The following NRG1 variants were observed in gnomAD, a reference collection of about 807,000 sequenced individuals.
NRG1 encodes the protein pro-neuregulin-1, membrane-bound isoform.
Under a neutral mutation model 63.8 loss-of-function variants are expected in NRG1, and 18 were observed. That is an observed-to-expected ratio of 0.28 (90% CI 0.19 to 0.42). The LOEUF (loss-of-function observed/expected upper bound fraction) is 0.42. Ranked by LOEUF, NRG1 falls within the 10% of genes least tolerant of loss-of-function variation. The pLI is 1.00. For synonymous variants in NRG1, 302 were observed against 301.3 expected (o/e 1.00, Z -0.02); for missense variants, 762 against 814.7 (o/e 0.94, Z 0.79).
intron 1 of NRG1, among the ~76,000 whole-genome samples, chr8:31,762,596 T>A (rs535551178): frequency 6.6e-6 from 1 of 152,330 alleles, no homozygotes; most frequent in Admixed American, 6.5e-5. Context: ...GTATTTCTGG[T>A]TCTAGATCCT....
intron 1 of NRG1, among the ~76,000 whole-genome samples, chr8:32,301,992 A>C (rs1855625936): frequency 6.6e-6 from 1 of 152,194 alleles, no homozygotes. Context: ...ATGTACCTGC[A>C]TCCCAATTTG....
At chr8:32,156,464 CTA>C (rs1169925367) in intron 1 of NRG1, among the ~76,000 whole-genome samples, 2 of 152,182 alleles carry the variant, frequency 1.3e-5, no homozygotes, top group Admixed American at 6.5e-5. Context: ...CTCTATGATA[CTA>C]TGTCTATTTT....
At chr8:32,485,829 C>A (rs893529678) in intron 1 of NRG1, among the ~76,000 whole-genome samples, 2 of 152,192 alleles carry the variant, frequency 1.3e-5, no homozygotes, top group African/African-American at 2.4e-5. Flanking sequence ...TTTAGGTGAT[C>A]ATACCAATTA....
intron 5 of NRG1, among the ~76,000 whole-genome samples, chr8:32,657,504 G>A (rs532562651): frequency 6.6e-6 from 1 of 152,252 alleles, no homozygotes; most frequent in East Asian, 1.9e-4. Flanking sequence ...TGGTTAGTGG[G>A]AGAGAGTGAA....
At chr8:31,927,994 T>TA (rs202107939) in intron 1 of NRG1, among the ~76,000 whole-genome samples, 2,017 of 44,628 alleles carry the variant, frequency 0.045, 42 homozygotes, top group African/African-American at 0.15. Flanking sequence ...TTAGGTATAT[T>TA]TAAAAAAAAA....
chr8:32,072,626 A>G (rs971345957), intron 1 of NRG1, among the ~76,000 whole-genome samples: 23 of 152,330 alleles, frequency 1.5e-4, no homozygotes, highest in African/African-American at 5.5e-4. Flanking sequence ...AAAATGACCT[A>G]ACTCCACTTT....
At chr8:32,744,246 C>G (rs1042048771) in intron 7 of NRG1, among the ~76,000 whole-genome samples, 1 of 151,908 alleles carries the variant, frequency 6.6e-6, no homozygotes, top group Non-Finnish European at 1.5e-5. Context: ...AGATTAGACC[C>G]GTAATGTGCA....
At chr8:32,350,359 C>T (rs186503015) in intron 1 of NRG1, among the ~76,000 whole-genome samples, 241 of 152,278 alleles carry the variant, frequency 1.6e-3, no homozygotes, top group Non-Finnish European at 2.4e-3. Context: ...CAAATGCTTT[C>T]TCTATAAGTT....
chr8:31,872,107 G>T (rs1185478951), intron 1 of NRG1, among the ~76,000 whole-genome samples: 1 of 152,114 alleles, frequency 6.6e-6, no homozygotes, highest in Non-Finnish European at 1.5e-5. Flanking sequence ...CATTGTAATT[G>T]CTCACTCAGT....
intron 1 of NRG1, among the ~76,000 whole-genome samples, chr8:32,402,165 G>A (rs911559093): frequency 3.3e-5 from 5 of 152,124 alleles, no homozygotes; most frequent in African/African-American, 1.2e-4. Context: ...TGCCCACCTC[G>A]GCCTCCCGAA....
At chr8:32,716,895 T>A (rs868749283) in intron 5 of NRG1, among the ~76,000 whole-genome samples, 5 of 152,022 alleles carry the variant, frequency 3.3e-5, no homozygotes, top group Non-Finnish European at 4.4e-5. Flanking sequence ...CAATTTTTTT[T>A]AATATTATGT....
At chr8:32,214,207 T>C (rs551737047) in intron 1 of NRG1, among the ~76,000 whole-genome samples, 49 of 152,258 alleles carry the variant, frequency 3.2e-4, no homozygotes, top group East Asian at 7.8e-4. Context: ...ATAGCTGTTT[T>C]CTCTCAAAAT....
intron 5 of NRG1, among the ~76,000 whole-genome samples, chr8:32,618,752 A>G (rs1847814782): frequency 6.6e-6 from 1 of 152,198 alleles, no homozygotes; most frequent in South Asian, 2.1e-4. Flanking sequence ...GTAACACGAT[A>G]TATTAGAAGG....
intron 1 of NRG1, among the ~76,000 whole-genome samples, chr8:31,861,366 A>G (rs1422655627): frequency 6.6e-6 from 1 of 152,164 alleles, no homozygotes; most frequent in Non-Finnish European, 1.5e-5. Context: ...GGCTGTGAAC[A>G]TTCCTACACT....
exon 9 of NRG1, chr8:32,756,468 T>C (rs1249701555): frequency 1.2e-6 from 2 of 1,613,746 alleles, no homozygotes; most frequent in Admixed American, 1.7e-5. Flanking sequence ...AACAATATGA[T>C]GAACATTGCC....
chr8:31,766,581 G>C (rs901593476), intron 1 of NRG1, among the ~76,000 whole-genome samples: 1 of 152,250 alleles, frequency 6.6e-6, no homozygotes, highest in South Asian at 2.1e-4. Context: ...GGTAAAGTAA[G>C]CTAAAGAATA....
chr8:32,027,615 G>A (rs115001772), intron 1 of NRG1, among the ~76,000 whole-genome samples: 2,546 of 151,960 alleles, frequency 0.017, 46 homozygotes, highest in Middle Eastern at 0.055. Flanking sequence ...TCACCATACT[G>A]TTTGTTTTCT....
chr8:32,145,176 T>G (rs1367789209), intron 1 of NRG1, among the ~76,000 whole-genome samples: 1 of 152,178 alleles, frequency 6.6e-6, no homozygotes, highest in Admixed American at 6.5e-5. Flanking sequence ...CTTTGCTGTA[T>G]CTAATGACGG....
At chr8:31,658,162 A>G (rs1328475114) in intron 1 of NRG1, among the ~76,000 whole-genome samples, 1 of 152,162 alleles carries the variant, frequency 6.6e-6, no homozygotes, top group Admixed American at 6.5e-5. Flanking sequence ...CTACGCTGAC[A>G]AGTTGATTGT....
Sources: allele counts gnomAD v4.1 joint callset (sites outside exome capture counted in the v4.1 genomes callset), GRCh38; gene constraint gnomAD v4.1.1; transcripts MANE v1.5; gene names NCBI Gene and HGNC (gene_info 2026-07-23, HGNC 2026-07-21).